The following CACNA1H variants were observed in gnomAD, a reference collection of about 807,000 sequenced individuals.
The protein encoded by CACNA1H is calcium voltage-gated channel subunit alpha1 H.
CACNA1H carries 149 observed loss-of-function variants against 192.5 expected under a neutral mutation model. That is an observed-to-expected ratio of 0.77 (90% CI 0.68 to 0.89). The LOEUF (loss-of-function observed/expected upper bound fraction) is 0.89, where lower values mean the gene tolerates loss of function less well. Ranked by LOEUF, CACNA1H falls within the 40% of genes least tolerant of loss-of-function variation. CACNA1H has a pLI of 0.00. For synonymous variants in CACNA1H, 2,202 were observed against 1,475.2 expected (o/e 1.49, Z -11.29); for missense variants, 4,257 against 3,423.5 (o/e 1.24, Z -6.08).
At chr16:1,201,586 G>A in intron 8 of CACNA1H, 77 bp from the exon 9 acceptor site, 2 of 1,468,844 alleles carry the variant, frequency 1.4e-6, no homozygotes, top group Non-Finnish European at 1.8e-6. Flanking sequence ...ACTCGAACAG[G>A]CAGCGCACAG....
chr16:1,163,066 C>T (rs1437185825), intron 2 of CACNA1H, among the ~76,000 whole-genome samples: 3 of 152,242 alleles, frequency 2.0e-5, no homozygotes, highest in Non-Finnish European at 4.4e-5. Context: ...GCTGTGTGTC[C>T]CTCACTCGTC....
intron 34 of CACNA1H, 59 bp from the exon 35 acceptor site, chr16:1,219,922 G>C: frequency 8.1e-7 from 1 of 1,229,014 alleles, no homozygotes; most frequent in African/African-American, 1.6e-5. Flanking sequence ...TCCGAGCCCT[G>C]GCCACTGACA....
intron 2 of CACNA1H, among the ~76,000 whole-genome samples, chr16:1,177,179 G>A (rs1567460309): frequency 6.6e-6 from 1 of 152,150 alleles, no homozygotes; most frequent in African/African-American, 2.4e-5. Context: ...CGGACTCTCG[G>A]ACCCTTGGAT....
chr16:1,220,844 A>C lies in CACNA1H; in HGVS notation c.6912A>C (p.Glu2304Asp). 6.2e-7 allele frequency: 1 copy of C among 1,612,492 alleles called. No individual in the cohort carries two copies. Among genetic ancestry groups the C allele is most frequent in the African/African-American group, 1.3e-5 (1 of 74,936 alleles). The change falls in exon 35 of 35, where the codon GAA becomes GAC. Residue 2304 changes from glutamate to aspartate, a missense_variant. Coordinates refer to ENST00000348261, the MANE Select transcript of CACNA1H (RefSeq NM_021098.3). ...ASSSGAIVPL[E>D]PPESEPPMPV... ...CTTCAGGGGCCATAGTGCCCCTGGA[A>C]CCCCCAGAATCAGAGCCTCCCATGC... is the stretch of plus-strand genomic sequence containing the variant.
intron 30 of CACNA1H, among the ~76,000 whole-genome samples, chr16:1,216,028 C>T (rs1969997540): frequency 6.6e-6 from 1 of 151,914 alleles, no homozygotes; most frequent in African/African-American, 2.4e-5. Context: ...CAGATCCTTT[C>T]TGTCCTCCAA....
At chr16:1,162,706 G>A (rs962085721) in intron 2 of CACNA1H, among the ~76,000 whole-genome samples, 4 of 151,526 alleles carry the variant, frequency 2.6e-5, no homozygotes, top group African/African-American at 7.3e-5. Context: ...TCTGGGGGCC[G>A]CACTTGGCTC....
At position 1,201,917 on chromosome 16, in the gene CACNA1H, G is replaced by T. The variant is rs926991773; in HGVS notation, c.1467G>T (p.Lys489Asn). ...YARWQSRWRK[K>N]VDPSAVQGQG... ...GCTGGCAGAGCCGCTGGCGCAAGAA[G>T]GTGGACCCCAGTGCTGTGCAAGGCC... The change falls in exon 9 of 35, where the codon AAG becomes AAT. Residue 489 changes from lysine (K) to asparagine (N), a missense_variant. By Grantham distance (94) the Lys-to-Asn change is moderately conservative (BLOSUM62 0). Coordinates refer to ENST00000348261, the MANE Select transcript of CACNA1H (RefSeq NM_021098.3). 6.5e-7 allele frequency: 1 copy of T among 1,550,194 alleles called. No homozygotes were observed. The highest frequency in any genetic ancestry group is 1.4e-5 in the African/African-American group (1 of 73,180).
chr16:1,212,658 C>A, intron 26 of CACNA1H, 130 bp downstream of exon 26: 1 of 1,120,186 alleles, frequency 8.9e-7, no homozygotes, highest in Non-Finnish European at 1.3e-6. Context: ...GGGCGTGTGG[C>A]GTGAGGAGGG....
chr16:1,168,645 G>A (rs887036161), intron 2 of CACNA1H, among the ~76,000 whole-genome samples: 2 of 152,068 alleles, frequency 1.3e-5, no homozygotes, highest in Non-Finnish European at 2.9e-5. Flanking sequence ...CTCATGCATC[G>A]TGCTCGGCCG....
chr16:1,219,177 G>C (rs1479134142), intron 34 of CACNA1H, 47 bp downstream of exon 34: 1 of 1,468,716 alleles, frequency 6.8e-7, no homozygotes, highest in African/African-American at 1.4e-5. Context: ...GGGATGGGGG[G>C]CTTGCAGGGA....
At chr16:1,184,911 G>A (rs12444190) in intron 2 of CACNA1H, among the ~76,000 whole-genome samples, 12,516 of 152,030 alleles carry the variant, frequency 0.082, 1,358 homozygotes, top group African/African-American at 0.25. Flanking sequence ...TTTTTTACTT[G>A]TTTATGTGAC....
At chr16:1,181,579 A>G (rs1965470335) in intron 2 of CACNA1H, among the ~76,000 whole-genome samples, 1 of 152,240 alleles carries the variant, frequency 6.6e-6, no homozygotes, top group African/African-American at 2.4e-5. Flanking sequence ...TTTCCACTCA[A>G]TTATGCCTTG....
chr16:1,210,108 C>A lies in CACNA1H; in HGVS notation c.3818C>A (p.Ala1273Asp). Residue 1273 changes from alanine to aspartate, a missense_variant, in exon 18 of 35, where the codon GCC becomes GAC. By Grantham distance (126) the Ala-to-Asp change is moderately radical. Coordinates refer to ENST00000348261, the MANE Select transcript of CACNA1H (RefSeq NM_021098.3). The stretch of plus-strand genomic sequence containing the variant: ...TGGTGCCGGAGCCGCGAGGCCTGGG[C>A]CCTCTACCTCTTCTCCCCACAGAAC... ...PQWCRSREAW[A>D]LYLFSPQNRF... The A allele has an allele frequency of 6.4e-7, 1 of 1,559,624 alleles. No individual in the cohort carries two copies. Among genetic ancestry groups the A allele is most frequent in the East Asian group, 2.4e-5 (1 of 41,428 alleles).
chr16:1,202,013 C>T lies in CACNA1H; in HGVS notation c.1563C>T (p.His521=), dbSNP rs1462211089. The T allele has an allele frequency of 4.6e-6, 7 of 1,538,042 alleles. No homozygotes were observed. The highest frequency in any genetic ancestry group is 6.1e-6 in the Non-Finnish European group (7 of 1,143,950). Residue 521 remains histidine (H), a synonymous_variant, in exon 9 of 35, where the codon CAC becomes CAT. Transcript: ENST00000348261. ...CGGTGCACCACCTGGTCTACCACCACCATCACCACCACCACCACCACTACC... is the reference window on the plus strand; with the variant it reads ...CGGTGCACCACCTGGTCTACCACCATCATCACCACCACCACCACCACTACC... ...TASVHHLVYH[H]HHHHHHHYHF...
At chr16:1,159,256 G>A (rs553217773) in intron 2 of CACNA1H, among the ~76,000 whole-genome samples, 1 of 152,210 alleles carries the variant, frequency 6.6e-6, no homozygotes, top group Admixed American at 6.5e-5. Context: ...GGGGCCCCTC[G>A]GACGGTGGGG....
intron 26 of CACNA1H, among the ~76,000 whole-genome samples, chr16:1,212,926 G>A (rs894097121): frequency 1.3e-5 from 2 of 152,252 alleles, no homozygotes; most frequent in African/African-American, 2.4e-5. Flanking sequence ...GGGTCGGGTG[G>A]CGGGTGGATC....
chr16:1,191,920 C>G (rs536723968), intron 2 of CACNA1H, among the ~76,000 whole-genome samples: 67 of 152,308 alleles, frequency 4.4e-4, no homozygotes, highest in African/African-American at 1.5e-3. Flanking sequence ...CACTCGGGGT[C>G]TCTGCGAGCC....
At position 1,220,963 on chromosome 16, in the gene CACNA1H, C is replaced by T. The variant is rs770021151; in HGVS notation, c.7031C>T (p.Ala2344Val). Residue 2344 changes from alanine (A) to valine (V), a missense_variant, in exon 35 of 35, where the codon GCC becomes GTC. By Grantham distance (64) the Ala-to-Val change is moderately conservative. Coordinates refer to ENST00000348261, the MANE Select transcript of CACNA1H (RefSeq NM_021098.3). Reference protein sequence around the residue: ...EKPGSPSATPAPGGGADDPV With the variant: ...EKPGSPSATPVPGGGADDPV ...CCAGGGTCCCCCTCAGCCACCCCTG[C>T]CCCAGGGGGTGGTGCAGATGACCCC... 4 of 1,603,132 alleles carry T rather than the reference C, an allele frequency of 2.5e-6. No homozygotes were observed. The highest frequency in any genetic ancestry group is 1.7e-5 in the Admixed American group (1 of 58,532).
chr16:1,215,419 G>C, intron 29 of CACNA1H, 44 bp downstream of exon 29: 1 of 1,591,540 alleles, frequency 6.3e-7, no homozygotes, highest in South Asian at 1.1e-5. Context: ...CGGGTGGAGG[G>C]TGGGGGCTCA....
Sources: allele counts gnomAD v4.1 joint callset (sites outside exome capture counted in the v4.1 genomes callset), GRCh38; gene constraint gnomAD v4.1.1; transcripts MANE v1.5; gene names NCBI Gene and HGNC (gene_info 2026-07-23, HGNC 2026-07-21).